Variants in EVC observed in about 807,000 individuals in gnomAD.
EVC encodes EvC ciliary complex subunit 1.
A neutral mutation model predicts 118.9 loss-of-function variants in EVC; 116 were observed. The ratio of observed to expected loss-of-function variants is 0.98; its 90% CI spans 0.84 to 1.14. The LOEUF is 1.14. EVC is among the 50% of genes most tolerant of loss of function. The pLI, the probability that EVC is intolerant of heterozygous loss-of-function variation, is 0.00. For missense variants in EVC, 1,401 were observed against 1,246.4 expected, an observed-to-expected ratio of 1.12 and a Z score of -1.87; for synonymous variants, 619 against 534.7, an observed-to-expected ratio of 1.16 and a Z score of -2.18.
chr4:5,746,353 T>C lies in EVC; in HGVS notation c.939+1012T>C, dbSNP rs1206375324. ...AGTAGGATGGAGAGGTGAGGAAACG[T>C]GTGAGAGAAGCTGTGGTGGTCTACC... is the stretch of plus-strand genomic sequence containing the variant. On this transcript the variant is annotated intron_variant, in intron 7 of 20. Coordinates refer to ENST00000264956, the MANE Select transcript of EVC (RefSeq NM_153717.3). The surrounding 1 kb of genome is among the most constrained non-coding windows in gnomAD (Gnocchi z 5.8). Among the ~76,000 whole-genome samples, 2 of 151,726 alleles carry C rather than the reference T, an allele frequency of 1.3e-5. No individual in the cohort carries two copies. Among genetic ancestry groups the C allele is most frequent in the African/African-American group, 2.4e-5 (1 of 41,370 alleles).
intron 20 of EVC, 139 bp from the exon 21 acceptor site, chr4:5,810,813 TC>T: frequency 1.2e-6 from 1 of 821,070 alleles, no homozygotes; most frequent in South Asian, 1.5e-5. Context: ...TTTATTGGTT[TC>T]TTAACAACCC....
Position 5,719,371 on chromosome 4 carries a change from G to C in EVC, c.298G>C (p.Asp100His). The change falls in exon 2 of 21, where the codon GAT (aspartate) becomes CAT (histidine). Residue 100 changes from aspartate (D) to histidine (H), a missense_variant and splice_region_variant. Physicochemically the swap from Asp to His is moderately conservative, Grantham distance 81 (BLOSUM62 -1). Coordinates refer to ENST00000264956, the MANE Select transcript of EVC (RefSeq NM_153717.3). The surrounding 1 kb of genome is among the most constrained non-coding windows in gnomAD (Gnocchi z 4.7). ...VQMSKDKEAV[D>H]ECEPPSNSNI... Reference sequence around the variant, plus strand: ...GATGTCGAAGGACAAGGAAGCTGTTGATGTAAGCTTGGTGTTGATGTTTGT... The same window carrying C: ...GATGTCGAAGGACAAGGAAGCTGTTCATGTAAGCTTGGTGTTGATGTTTGT... 6.2e-7 allele frequency: 1 copy of C among 1,614,186 alleles called. No homozygotes were observed. Among genetic ancestry groups the C allele is most frequent in the Non-Finnish European group, 8.5e-7 (1 of 1,180,022 alleles).
intron 3 of EVC, among the ~76,000 whole-genome samples, chr4:5,730,772 G>A (rs546581316): frequency 6.6e-6 from 1 of 152,204 alleles, no homozygotes; most frequent in East Asian, 1.9e-4. Flanking sequence ...CCAAAGTCTG[G>A]AAAGGCCAGA....
the EVC span, among the ~76,000 whole-genome samples, chr4:5,823,104 C>T: frequency 0.054 from 8,234 of 152,226 alleles, 422 homozygotes; most frequent in African/African-American, 0.13. Flanking sequence ...GAAGGAGACT[C>T]AAGTTTCAGT....
intron 17 of EVC, among the ~76,000 whole-genome samples, chr4:5,807,859 C>G (rs1716177859): frequency 6.6e-6 from 1 of 152,248 alleles, no homozygotes; most frequent in Admixed American, 6.5e-5. Context: ...CGCCACTTCA[C>G]AGACGTGTGT....
At chr4:5,821,863 C>A in the EVC span, 1 of 1,547,978 alleles carries the variant, frequency 6.5e-7, no homozygotes. This position sits in a 1 kb window ranked among gnomAD's most constrained non-coding sequence, Gnocchi z 4.4. Flanking sequence ...TGAAAGAGAG[C>A]GCCAATCGCT....
At chr4:5,785,965 G>A (rs1027477402) in intron 12 of EVC, among the ~76,000 whole-genome samples, 1 of 152,138 alleles carries the variant, frequency 6.6e-6, no homozygotes, top group Non-Finnish European at 1.5e-5. Flanking sequence ...CTCTGAAGTG[G>A]ACCCACTAAA....
intron 11 of EVC, among the ~76,000 whole-genome samples, chr4:5,775,603 G>T (rs577467588): frequency 6.6e-6 from 1 of 152,306 alleles, no homozygotes; most frequent in Non-Finnish European, 1.5e-5. Context: ...CCGTGTGGTT[G>T]TATGTTGTAG....
chr4:5,761,170 A>G (rs566289119), intron 11 of EVC, among the ~76,000 whole-genome samples: 1 of 152,054 alleles, frequency 6.6e-6, no homozygotes, highest in African/African-American at 2.4e-5. Context: ...ATTTACTTTA[A>G]AGGCTGGGTG....
chr4:5,800,131 G>A (rs1324566480), intron 15 of EVC, among the ~76,000 whole-genome samples: 1 of 152,248 alleles, frequency 6.6e-6, no homozygotes, highest in African/African-American at 2.4e-5. Context: ...GATCACTTGA[G>A]GTCAGGAGTT....
Position 5,720,809 on chromosome 4 carries a change from T to A in EVC, c.300+1436T>A, listed in dbSNP as rs1251777549. Among the ~76,000 whole-genome samples, 4 of 152,182 alleles carry A rather than the reference T, an allele frequency of 2.6e-5. No individual in the cohort carries two copies. The East Asian group carries it at 7.7e-4, about 29-fold the overall frequency. On this transcript the variant is annotated intron_variant, in intron 2 of 20. Transcript: ENST00000264956. Reference sequence around the variant, plus strand: ...TTAACTTTACCGTTGGTAATTATTATCTTGATAATGGGCATCTGCTAGGTG... The same window carrying A: ...TTAACTTTACCGTTGGTAATTATTAACTTGATAATGGGCATCTGCTAGGTG...
the EVC span, chr4:5,825,680 T>A: frequency 6.2e-7 from 1 of 1,609,800 alleles, no homozygotes; most frequent in Non-Finnish European, 8.5e-7. This position sits in a 1 kb window ranked among gnomAD's most constrained non-coding sequence, Gnocchi z 4.4. Context: ...GAAGGGAGAG[T>A]GTGATTGATC....
chr4:5,764,608 A>G (rs1249700454), intron 11 of EVC, among the ~76,000 whole-genome samples: 2 of 149,116 alleles, frequency 1.3e-5, no homozygotes, highest in South Asian at 4.4e-4. Context: ...CAGAGATTCA[A>G]CTTCTTCCTG....
intron 7 of EVC, 135 bp from the exon 8 acceptor site, chr4:5,748,013 A>G: frequency 2.0e-6 from 2 of 987,270 alleles, no homozygotes; most frequent in Non-Finnish European, 3.1e-6. Context: ...GCCAAGATAA[A>G]CTCACTGAAA....
At position 5,789,340 on chromosome 4, in the gene EVC, G is replaced by A. The variant is rs1283589619; in HGVS notation, c.1777-4268G>A. 6.6e-6 allele frequency among the ~76,000 whole-genome samples: 1 copy of A among 152,162 alleles called. No homozygotes were observed. Among genetic ancestry groups the A allele is most frequent in the Non-Finnish European group, 1.5e-5 (1 of 68,040 alleles). ...CCCCAGTGGTTCCTTGCACTCCTCT[G>A]GCTTTCTGGGCACGTTCCTGCCTTA... On this transcript the variant is annotated intron_variant, in intron 12 of 20. Transcript: ENST00000264956. This position sits in a 1 kb window ranked among gnomAD's most constrained non-coding sequence, Gnocchi z 4.3.
chr4:5,814,666 C>G (rs1003028200), downstream of EVC, among the ~76,000 whole-genome samples: 1 of 152,186 alleles, frequency 6.6e-6, no homozygotes, highest in East Asian at 1.9e-4. Context: ...TCACTCTGCA[C>G]CTGGTCCCTG....
At chr4:5,793,384 T>G (rs1713155694) in intron 12 of EVC, 3 of 561,872 alleles carry the variant, frequency 5.3e-6, no homozygotes, top group East Asian at 3.1e-5. Context: ...ATACTTCAAT[T>G]TAGAATATTT....
intron 2 of EVC, among the ~76,000 whole-genome samples, chr4:5,722,555 C>G (rs903826545): frequency 6.6e-6 from 1 of 152,154 alleles, no homozygotes; most frequent in Non-Finnish European, 1.5e-5. Flanking sequence ...CTTGGATGAC[C>G]TCTGTTTAAT....
At chr4:5,807,077 G>A (rs558832288) in intron 17 of EVC, among the ~76,000 whole-genome samples, 1 of 152,296 alleles carries the variant, frequency 6.6e-6, no homozygotes, top group South Asian at 2.1e-4. Context: ...TGGAGTGCTG[G>A]CCTCAGCTGT....
Sources: allele counts gnomAD v4.1 joint callset (sites outside exome capture counted in the v4.1 genomes callset), GRCh38; gene constraint gnomAD v4.1.1; non-coding constraint Gnocchi (gnomAD v3.1); transcripts MANE v1.5; gene names NCBI Gene and HGNC (gene_info 2026-07-23, HGNC 2026-07-21).